The following CSMD1 variants were observed in gnomAD, a reference collection of about 807,000 sequenced individuals.
CSMD1 encodes the protein CUB and Sushi multiple domains 1.
In CSMD1, 213 loss-of-function variants were observed where a neutral mutation model predicts 417.5. The observed-to-expected ratio is 0.51, with a 90% confidence interval of 0.46 to 0.57. The LOEUF is 0.57. Among genes scored for constraint, CSMD1 ranks in the 20% least tolerant of loss-of-function variants. The pLI is 0.00. For missense variants in CSMD1, 6,923 were observed against 4,529.7 expected (o/e 1.53, Z -15.17); for synonymous variants, 2,862 against 1,736.8 (o/e 1.65, Z -16.11).
intron 17 of CSMD1, among the ~76,000 whole-genome samples, chr8:3,392,610 C>T (rs747563466): frequency 6.6e-6 from 1 of 152,066 alleles, no homozygotes. Context: ...GGATCTGCGT[C>T]TGCCTTCACC....
At chr8:4,924,314 G>C (rs995013574) in intron 1 of CSMD1, among the ~76,000 whole-genome samples, 1 of 152,110 alleles carries the variant, frequency 6.6e-6, no homozygotes, top group African/African-American at 2.4e-5. Flanking sequence ...TCCTAATTAT[G>C]TTCATGTAAA....
intron 10 of CSMD1, among the ~76,000 whole-genome samples, chr8:3,537,176 T>C (rs895775350): frequency 1.3e-5 from 2 of 152,066 alleles, no homozygotes; most frequent in African/African-American, 2.4e-5. Flanking sequence ...GCTAATTTGT[T>C]GTATTTTAAG....
At chr8:4,990,553 T>G (rs1811408177) in intron 1 of CSMD1, among the ~76,000 whole-genome samples, 1 of 152,018 alleles carries the variant, frequency 6.6e-6, no homozygotes, top group Non-Finnish European at 1.5e-5. Flanking sequence ...TTTGTAGAGA[T>G]GGGGTTTCAC....
intron 3 of CSMD1, among the ~76,000 whole-genome samples, chr8:4,335,008 G>C (rs1800088365): frequency 6.6e-6 from 1 of 151,964 alleles, no homozygotes. Context: ...TTGCCTAAGT[G>C]ATCTTGTTTT....
At chr8:3,202,185 C>T (rs560495381) in intron 31 of CSMD1, among the ~76,000 whole-genome samples, 1 of 152,264 alleles carries the variant, frequency 6.6e-6, no homozygotes, top group East Asian at 1.9e-4. Context: ...AAAAGAATAT[C>T]TGTAAAGACT....
intron 1 of CSMD1, among the ~76,000 whole-genome samples, chr8:4,683,212 G>C (rs1428743101): frequency 1.3e-5 from 2 of 151,888 alleles, no homozygotes; most frequent in African/African-American, 4.8e-5. Flanking sequence ...AAACAACTTA[G>C]TATTACCATG....
intron 49 of CSMD1, among the ~76,000 whole-genome samples, chr8:3,058,754 C>G (rs1812400955): frequency 6.6e-6 from 1 of 151,914 alleles, no homozygotes; most frequent in Non-Finnish European, 1.5e-5. Context: ...AGGATTTAGA[C>G]TATCCTAAAT....
intron 8 of CSMD1, among the ~76,000 whole-genome samples, chr8:3,608,123 A>C (rs988400828): frequency 3.3e-5 from 5 of 151,414 alleles, no homozygotes; most frequent in Non-Finnish European, 2.9e-5. Flanking sequence ...GCAGTGAGCC[A>C]AGATTGTGCC....
At chr8:4,539,006 C>G (rs1450181581) in intron 2 of CSMD1, among the ~76,000 whole-genome samples, 8 of 152,176 alleles carry the variant, frequency 5.3e-5, no homozygotes, top group Admixed American at 2.0e-4. Flanking sequence ...AATAAAATAA[C>G]CTACTCCCTT....
intron 5 of CSMD1, among the ~76,000 whole-genome samples, chr8:3,934,732 A>G (rs1453607771): frequency 1.3e-5 from 2 of 152,046 alleles, no homozygotes; most frequent in Non-Finnish European, 2.9e-5. Context: ...GTGCACTCCC[A>G]GCTACTCGGG....
chr8:4,142,848 C>G (rs1259182327), intron 3 of CSMD1, among the ~76,000 whole-genome samples: 1 of 151,066 alleles, frequency 6.6e-6, no homozygotes, highest in Admixed American at 6.6e-5. Context: ...AATTGTTGTG[C>G]TGTTTCTAAT....
intron 5 of CSMD1, among the ~76,000 whole-genome samples, chr8:3,819,533 T>TACAC (rs10566509): frequency 8.5e-5 from 7 of 82,346 alleles, no homozygotes; most frequent in South Asian, 3.2e-4. Flanking sequence ...AGGTGATTTC[T>TACAC]ACACACACAC....
At chr8:4,188,348 C>T (rs1336832990) in intron 3 of CSMD1, among the ~76,000 whole-genome samples, 1 of 152,136 alleles carries the variant, frequency 6.6e-6, no homozygotes, top group Non-Finnish European at 1.5e-5. Context: ...ACAATGCAAA[C>T]CGAGGTGCCT....
intron 5 of CSMD1, among the ~76,000 whole-genome samples, chr8:3,862,586 C>G (rs1249793211): frequency 1.3e-5 from 2 of 152,164 alleles, no homozygotes; most frequent in South Asian, 2.1e-4. Flanking sequence ...TTTACTTAAG[C>G]TAGAATTTGC....
chr8:3,749,054 A>C (rs1190546944), intron 6 of CSMD1, among the ~76,000 whole-genome samples: 2 of 152,182 alleles, frequency 1.3e-5, no homozygotes, highest in African/African-American at 2.4e-5. Flanking sequence ...GGAGCCCAAC[A>C]CTTAGATGAC....
intron 5 of CSMD1, among the ~76,000 whole-genome samples, chr8:3,979,552 C>G (rs1023287853): frequency 2.6e-5 from 4 of 152,140 alleles, no homozygotes; most frequent in African/African-American, 9.7e-5. Flanking sequence ...AGAGCTCAGG[C>G]CTTTGGAAAA....
intron 3 of CSMD1, among the ~76,000 whole-genome samples, chr8:4,098,116 C>A (rs147098124): frequency 2.6e-5 from 4 of 152,270 alleles, no homozygotes; most frequent in Non-Finnish European, 2.9e-5. Context: ...TTAAGATGAT[C>A]TTTCACTCAT....
intron 10 of CSMD1, among the ~76,000 whole-genome samples, chr8:3,516,868 G>A (rs1797302981): frequency 1.3e-5 from 2 of 152,118 alleles, no homozygotes; most frequent in Admixed American, 6.6e-5. Flanking sequence ...AAAGATACTT[G>A]CACACACATG....
intron 6 of CSMD1, among the ~76,000 whole-genome samples, chr8:3,714,909 C>T (rs1801740444): frequency 6.6e-6 from 1 of 152,122 alleles, no homozygotes. Context: ...CTGGAGAAAT[C>T]TCAATGGTTT....
Sources: gnomAD v4.1 joint callset for allele counts (sites outside exome capture counted in the v4.1 genomes callset) on GRCh38, gnomAD v4.1.1 for gene constraint, MANE v1.5 for transcripts, NCBI Gene and HGNC (gene_info 2026-07-23, HGNC 2026-07-21) for gene names.